Variants in CSMD1 observed in about 807,000 individuals in gnomAD.
CSMD1 encodes CUB and Sushi multiple domains 1.
In CSMD1, 213 loss-of-function variants were observed where a neutral mutation model predicts 417.5. The ratio of observed to expected loss-of-function variants is 0.51; its 90% CI spans 0.46 to 0.57. The LOEUF is 0.57. Ranked by LOEUF, CSMD1 falls within the 20% of genes least tolerant of loss-of-function variation. The pLI, the probability that CSMD1 is intolerant of heterozygous loss-of-function variation, is 0.00. For missense variants in CSMD1, 6,923 were observed against 4,529.7 expected, an observed-to-expected ratio of 1.53 and a Z score of -15.17; for synonymous variants, 2,862 against 1,736.8, an observed-to-expected ratio of 1.65 and a Z score of -16.11.
intron 12 of CSMD1, among the ~76,000 whole-genome samples, chr8:3,458,192 G>A (rs949964928): frequency 1.3e-5 from 2 of 152,148 alleles, no homozygotes; most frequent in African/African-American, 2.4e-5. Flanking sequence ...GGAAGGGAGA[G>A]TGCAATGTAG....
At chr8:3,377,958 C>G (rs978088647) in intron 18 of CSMD1, among the ~76,000 whole-genome samples, 1 of 152,102 alleles carries the variant, frequency 6.6e-6, no homozygotes. Flanking sequence ...GAATTGAGGT[C>G]AGAAAAGTCA....
chr8:3,671,928 T>C (rs1265237316), intron 7 of CSMD1, among the ~76,000 whole-genome samples: 3 of 152,172 alleles, frequency 2.0e-5, no homozygotes, highest in Non-Finnish European at 4.4e-5. Context: ...AGCCTGCTGG[T>C]CATTTTTGAA....
At chr8:4,425,144 C>A (rs1217423507) in intron 2 of CSMD1, among the ~76,000 whole-genome samples, 1 of 151,974 alleles carries the variant, frequency 6.6e-6, no homozygotes, top group African/African-American at 2.4e-5. Flanking sequence ...AATACAATTT[C>A]ATGTCCCTTT....
chr8:4,425,658 T>G (rs1797506377), intron 2 of CSMD1, among the ~76,000 whole-genome samples: 4 of 149,542 alleles, frequency 2.7e-5, no homozygotes. Context: ...TCTGCCTCAC[T>G]TTGAGGAATC....
rs78055609 is a variant in CSMD1, at chr8:4,181,663, A to G, written c.416-149564T>C. Among the ~76,000 whole-genome samples the G allele has an allele frequency of 4.0e-3, 609 of 152,342 alleles. 28 individuals carry two copies. The East Asian group carries it at 0.11, about 27-fold the overall frequency. ...CCTGTAAGAAAAGTTATAGATGATC[A>G]GAATAATATTGACTCAATTCATTTA... is the stretch of plus-strand genomic sequence containing the variant. On this transcript the variant is annotated intron_variant, in intron 3 of 69. Transcript: ENST00000635120.
intron 3 of CSMD1, among the ~76,000 whole-genome samples, chr8:4,395,196 A>C (rs1804118404): frequency 6.6e-6 from 1 of 152,190 alleles, no homozygotes; most frequent in South Asian, 2.1e-4. Flanking sequence ...GCCAGAGATG[A>C]GAGAACATCA....
At chr8:4,762,650 C>T (rs1278048063) in intron 1 of CSMD1, among the ~76,000 whole-genome samples, 3 of 152,144 alleles carry the variant, frequency 2.0e-5, no homozygotes, top group Non-Finnish European at 4.4e-5. Flanking sequence ...GTCTCCACCT[C>T]TGCTGTAGCT....
At chr8:3,891,202 T>C (rs1390299675) in intron 5 of CSMD1, among the ~76,000 whole-genome samples, 2 of 152,012 alleles carry the variant, frequency 1.3e-5, no homozygotes, top group Admixed American at 6.6e-5. Flanking sequence ...TGTGCCATCA[T>C]GCCTGGCTAA....
intron 6 of CSMD1, among the ~76,000 whole-genome samples, chr8:3,751,323 T>TGTGC (rs1554531296): frequency 6.8e-6 from 1 of 146,126 alleles, no homozygotes; most frequent in Non-Finnish European, 1.5e-5. Context: ...TGTGTGTGTG[T>TGTGC]GTGTATATAT....
chr8:4,026,781 G>C (rs1051757750), intron 4 of CSMD1, among the ~76,000 whole-genome samples: 6 of 152,218 alleles, frequency 3.9e-5, no homozygotes, highest in Admixed American at 2.0e-4. Flanking sequence ...TTAGATTTAA[G>C]TTTGAAGTTG....
intron 3 of CSMD1, among the ~76,000 whole-genome samples, chr8:4,064,297 G>C (rs1388673574): frequency 6.6e-6 from 1 of 152,100 alleles, no homozygotes; most frequent in East Asian, 1.9e-4. Context: ...TTTATATCCT[G>C]CAATGTTCCT....
At chr8:3,283,550 C>G (rs1473423720) in intron 26 of CSMD1, among the ~76,000 whole-genome samples, 1 of 152,010 alleles carries the variant, frequency 6.6e-6, no homozygotes, top group South Asian at 2.1e-4. Context: ...AGAACCACTC[C>G]AAAATATGCA....
At chr8:3,008,290 T>A (rs1808113655) in intron 52 of CSMD1, among the ~76,000 whole-genome samples, 2 of 152,176 alleles carry the variant, frequency 1.3e-5, no homozygotes, top group South Asian at 4.1e-4. Flanking sequence ...ATTCCCTTTG[T>A]GAGGTCAGTT....
intron 7 of CSMD1, among the ~76,000 whole-genome samples, chr8:3,694,641 G>C (rs920984179): frequency 2.0e-5 from 3 of 151,958 alleles, no homozygotes; most frequent in South Asian, 2.1e-4. Flanking sequence ...AGGGAGGCTG[G>C]GTGGGTGGAC....
At chr8:4,955,214 C>A (rs1443435895) in intron 1 of CSMD1, among the ~76,000 whole-genome samples, 1 of 152,132 alleles carries the variant, frequency 6.6e-6, no homozygotes, top group Non-Finnish European at 1.5e-5. Flanking sequence ...TTCGTGTGCA[C>A]AGAAGTTTTC....
At chr8:3,848,808 T>C (rs899419727) in intron 5 of CSMD1, among the ~76,000 whole-genome samples, 1 of 152,032 alleles carries the variant, frequency 6.6e-6, no homozygotes, top group Non-Finnish European at 1.5e-5. Context: ...TTAGCAGCGA[T>C]TTTAAAGAAA....
At chr8:4,138,931 T>C (rs1040807909) in intron 3 of CSMD1, among the ~76,000 whole-genome samples, 1 of 152,200 alleles carries the variant, frequency 6.6e-6, no homozygotes, top group Non-Finnish European at 1.5e-5. Context: ...CTTCTATTTA[T>C]TTGGAATATT....
intron 1 of CSMD1, among the ~76,000 whole-genome samples, chr8:4,664,970 G>A (rs1441715225): frequency 1.3e-5 from 2 of 152,116 alleles, no homozygotes; most frequent in Non-Finnish European, 2.9e-5. Flanking sequence ...TGTAGCATCT[G>A]AAAAAGGAAA....
chr8:4,325,992 C>A (rs1035099658), intron 3 of CSMD1, among the ~76,000 whole-genome samples: 1 of 152,108 alleles, frequency 6.6e-6, no homozygotes, highest in Non-Finnish European at 1.5e-5. Context: ...ACCTGGGGTA[C>A]GAACTCAGTA....
Sources: allele counts gnomAD v4.1 joint callset (sites outside exome capture counted in the v4.1 genomes callset), GRCh38; gene constraint gnomAD v4.1.1; transcripts MANE v1.5; gene names NCBI Gene and HGNC (gene_info 2026-07-23, HGNC 2026-07-21).